RNF8: variants seen among roughly 807,000 people sequenced by gnomAD.
RNF8 encodes ring finger protein 8.
RNF8 carries 8 observed loss-of-function variants against 59.3 expected under a neutral mutation model. That is an observed-to-expected ratio of 0.13 (90% CI 0.08 to 0.24). The LOEUF (loss-of-function observed/expected upper bound fraction) is 0.24. RNF8 is among the 10% of genes least tolerant of loss of function. The probability of loss-of-function intolerance (pLI) is 1.00; values close to 1 mark genes in which losing one functional copy is unlikely to be tolerated. For synonymous variants in RNF8, 162 were observed against 200.0 expected (o/e 0.81, Z 1.60); for missense variants, 406 against 572.6 (o/e 0.71, Z 2.97).
chr6:37,361,099 A>G (rs981446796), intron 2 of RNF8: 2 of 357,078 alleles, frequency 5.6e-6, no homozygotes, highest in Admixed American at 3.9e-5. Context: ...CCTTTAAACA[A>G]ATTTGAAAAC....
Position 37,394,566 on chromosome 6 carries a change from A to G in RNF8, c.*3808A>G, listed in dbSNP as rs1478125084. On this transcript the variant is annotated 3_prime_UTR_variant, in exon 8 of 8. Transcript: ENST00000373479. ...TGAGCTCATCTAGTCGCCAAGCAGT[A>G]TCTCCTGCTTGCTGCTGCTTTACTA... is the stretch of plus-strand genomic sequence containing the variant. 1 of 152,100 alleles carries G rather than the reference A, an allele frequency of 6.6e-6. No individual in the cohort carries two copies. Among genetic ancestry groups the G allele is most frequent in the Non-Finnish European group, 1.5e-5 (1 of 68,030 alleles). The allele number at this position is 152,100 out of a possible 1,614,324, so 9.4% of individuals were successfully genotyped here.
intron 7 of RNF8, among the ~76,000 whole-genome samples, chr6:37,384,746 T>G (rs1457983443): frequency 1.3e-5 from 2 of 152,224 alleles, no homozygotes; most frequent in African/African-American, 4.8e-5. Context: ...TTGCCCATCC[T>G]CCTTTGCTGA....
At chr6:37,355,087 A>G (rs1769064727) in intron 1 of RNF8, among the ~76,000 whole-genome samples, 3 of 152,022 alleles carry the variant, frequency 2.0e-5, no homozygotes, top group Non-Finnish European at 4.4e-5. Context: ...TGCAAATGAA[A>G]AATATTTTAA....
In RNF8 at chr6:37,364,831, C is replaced by T. The variant is rs370042091; in HGVS notation, c.241-3653C>T. Among the ~76,000 whole-genome samples the T allele has an allele frequency of 6.0e-4, 91 of 152,226 alleles. No homozygotes were observed. The South Asian group carries it at 0.014, about 23-fold the overall frequency. ...TTTTGCCCAGGCTGGAGTGCAATGG[C>T]GTGAACCCGGCTCCCCAAACCTCTG... is the stretch of plus-strand genomic sequence containing the variant. On this transcript the variant is annotated intron_variant, in intron 2 of 7. Coordinates refer to ENST00000373479, the MANE Select transcript of RNF8 (RefSeq NM_003958.4).
At chr6:37,383,678 C>G (rs921620308) in intron 7 of RNF8, among the ~76,000 whole-genome samples, 2 of 152,140 alleles carry the variant, frequency 1.3e-5, no homozygotes, top group African/African-American at 4.8e-5. Context: ...CCATTGATCT[C>G]TTGTGTGAGA....
intron 1 of RNF8, among the ~76,000 whole-genome samples, chr6:37,354,894 A>G (rs1007418812): frequency 6.6e-6 from 1 of 152,204 alleles, no homozygotes; most frequent in Non-Finnish European, 1.5e-5. Flanking sequence ...TTGTCCCTTA[A>G]AGCAATCAAA....
rs1404381380 is a variant in RNF8, at chr6:37,390,866, A to G, written c.*108A>G. On this transcript the variant is annotated 3_prime_UTR_variant, in exon 8 of 8. Transcript: ENST00000373479. ...CCGCTGCTCTGAAGGTCAACTGAGA[A>G]GTCTTGTGGGACAGAGACTTGAGTT... is the stretch of plus-strand genomic sequence containing the variant. 6.3e-7 allele frequency: 1 copy of G among 1,595,630 alleles called. No homozygotes were observed. The highest frequency in any genetic ancestry group is 8.6e-7 in the Non-Finnish European group (1 of 1,163,296).
intron 7 of RNF8, among the ~76,000 whole-genome samples, chr6:37,386,488 A>G (rs1044566138): frequency 6.6e-6 from 1 of 152,186 alleles, no homozygotes; most frequent in Non-Finnish European, 1.5e-5. Context: ...GCTATTAATC[A>G]TCTTTCAGTA....
At chr6:37,357,163 C>T (rs1331822487) in intron 1 of RNF8, among the ~76,000 whole-genome samples, 2 of 152,194 alleles carry the variant, frequency 1.3e-5, no homozygotes, top group Non-Finnish European at 2.9e-5. Context: ...CAAAGGCTTG[C>T]AAAACTATTG....
intron 3 of RNF8, 55 bp downstream of exon 3, chr6:37,369,273 C>G: frequency 6.7e-7 from 1 of 1,500,348 alleles, no homozygotes; most frequent in South Asian, 1.4e-5. Flanking sequence ...GCAGGCACTT[C>G]ATGAGTCTCT....
rs34469147 is a variant in RNF8 at position 37,360,623 on chromosome 6, CTTT to C, written c.240+61_240+63del. 939 of 1,262,798 alleles carry C rather than the reference CTTT, an allele frequency of 7.4e-4. No homozygotes were observed. The highest frequency in any genetic ancestry group is 1.3e-3 in the Admixed American group (52 of 41,138). 78.2% of individuals were successfully genotyped at this position (1,262,798 alleles called of 1,614,324 possible). On this transcript the variant is annotated intron_variant, in intron 2 of 7. Coordinates refer to ENST00000373479, the MANE Select transcript of RNF8 (RefSeq NM_003958.4). This position sits in a 1 kb window ranked among gnomAD's most constrained non-coding sequence, Gnocchi z 4.2. ...ATGACTTTTATTTGTTTTTAAATTACTTTTTTTTTTTTTTGCATAGGTAATTCA... is the reference window on the plus strand; with the variant it reads ...ATGACTTTTATTTGTTTTTAAATTACTTTTTTTTTTTGCATAGGTAATTCA...
At chr6:37,361,274 T>C (rs1769311260) in intron 2 of RNF8, 2 of 454,666 alleles carry the variant, frequency 4.4e-6, no homozygotes, top group Admixed American at 2.3e-5. Context: ...TGGGTTATAG[T>C]GTGCTATGCC....
At chr6:37,371,747 A>G (rs1359822880) in intron 4 of RNF8, among the ~76,000 whole-genome samples, 173 bp downstream of exon 4, 2 of 152,174 alleles carry the variant, frequency 1.3e-5, no homozygotes, top group Non-Finnish European at 2.9e-5. Context: ...TTGGAGCCTT[A>G]CAAACATGCC....
intron 1 of RNF8, among the ~76,000 whole-genome samples, chr6:37,357,063 A>G (rs963972990): frequency 8.5e-5 from 13 of 152,200 alleles, no homozygotes; most frequent in African/African-American, 2.4e-4. Context: ...TTTGAGAAAC[A>G]GTAGGAATTG....
chr6:37,380,213 T>A (rs1770196241), intron 6 of RNF8, among the ~76,000 whole-genome samples: 2 of 152,120 alleles, frequency 1.3e-5, no homozygotes, highest in African/African-American at 4.8e-5. Context: ...TTCACGCACT[T>A]AATAGTCCTA....
intron 7 of RNF8, among the ~76,000 whole-genome samples, chr6:37,388,418 G>A (rs775920933): frequency 2.6e-5 from 4 of 152,198 alleles, no homozygotes; most frequent in Non-Finnish European, 5.9e-5. Flanking sequence ...TTATTTGAAT[G>A]TGTGGATCTG....
intron 4 of RNF8, among the ~76,000 whole-genome samples, chr6:37,372,021 C>G (rs557826939): frequency 6.6e-6 from 1 of 152,278 alleles, no homozygotes; most frequent in South Asian, 2.1e-4. Flanking sequence ...TGAGAATGTG[C>G]AGTTTAACAA....
chr6:37,360,374 T>G lies in RNF8; in HGVS notation c.112-72T>G. ...AGGACCTGCATATGCTGCTGGTTGA[T>G]GAGATTTGTAAAGGACCTCCCTTTT... On this transcript the variant is annotated intron_variant, in intron 1 of 7. Coordinates refer to ENST00000373479, the MANE Select transcript of RNF8 (RefSeq NM_003958.4). The surrounding 1 kb of genome is among the most constrained non-coding windows in gnomAD (Gnocchi z 4.2). 264 of 1,579,100 alleles carry G rather than the reference T, an allele frequency of 1.7e-4. No homozygotes were observed. Among genetic ancestry groups the G allele is most frequent in the Non-Finnish European group, 2.1e-4 (239 of 1,150,786 alleles).
At position 37,381,357 on chromosome 6, in the gene RNF8, G is replaced by A; in HGVS notation, c.1441+3G>A. The stretch of plus-strand genomic sequence containing the variant: ...TGTTCTCATTAGGGAACGAAAAGGT[G>A]AGTGGGTGTGAGAATTCCTACCCCT... On this transcript the variant is annotated splice_donor_region_variant and intron_variant, in intron 7 of 7. Coordinates refer to ENST00000373479, the MANE Select transcript of RNF8 (RefSeq NM_003958.4). 2 of 1,612,922 alleles carry A rather than the reference G, an allele frequency of 1.2e-6. No individual in the cohort carries two copies. Among genetic ancestry groups the A allele is most frequent in the South Asian group, 1.1e-5 (1 of 90,956 alleles).
Sources: gnomAD v4.1 joint callset for allele counts (sites outside exome capture counted in the v4.1 genomes callset) on GRCh38, gnomAD v4.1.1 for gene constraint, Gnocchi (gnomAD v3.1) non-coding constraint, MANE v1.5 for transcripts, NCBI Gene and HGNC (gene_info 2026-07-23, HGNC 2026-07-21) for gene names.